Variants in MCAM observed in about 807,000 individuals in gnomAD.
MCAM encodes the protein melanoma cell adhesion molecule.
In MCAM, 55 loss-of-function variants were observed where a neutral mutation model predicts 79.1. The ratio of observed to expected loss-of-function variants is 0.70; its 90% CI spans 0.56 to 0.87. MCAM has a LOEUF of 0.87. MCAM is among the 40% of genes least tolerant of loss of function. The probability of loss-of-function intolerance (pLI) is 0.00; values close to 1 mark genes in which losing one functional copy is unlikely to be tolerated. For synonymous variants in MCAM, 330 were observed against 339.8 expected, an observed-to-expected ratio of 0.97 and a Z score of 0.32; for missense variants, 745 against 839.8, an observed-to-expected ratio of 0.89 and a Z score of 1.40.
chr11:119,312,378 G>C lies in MCAM; in HGVS notation c.912C>G (p.Val304=). The change falls in exon 8 of 16, where the codon GTC becomes GTG. Residue 304 remains valine, a synonymous_variant. Transcript: ENST00000264036. The surrounding 1 kb of genome is among the most constrained non-coding windows in gnomAD (Gnocchi z 4.9). ...CCTTCCGGGCAGGCTCCAGCACCAG[G>C]ACCCCGTTGTCGTTGGTTGTCTCTT... is the stretch of plus-strand genomic sequence containing the variant. ...AEEETTNDNG[V]LVLEPARKEH... is the part of the protein sequence containing the mutation. 2 of 1,614,072 alleles carry C rather than the reference G, an allele frequency of 1.2e-6. No homozygotes were observed. Among genetic ancestry groups the C allele is most frequent in the Non-Finnish European group, 1.7e-6 (2 of 1,179,994 alleles).
At chr11:119,310,273 A>C in intron 15 of MCAM, 76 bp downstream of exon 15, 1 of 960,204 alleles carries the variant, frequency 1.0e-6, no homozygotes, top group Non-Finnish European at 1.7e-6. Context: ...GATGAAGGAT[A>C]GAGAGAACCG....
In MCAM at chr11:119,311,536, G is replaced by A. The variant is rs573403266; in HGVS notation, c.1401C>T (p.Asn467=). The A allele has an allele frequency of 2.0e-5, 32 of 1,614,118 alleles. No homozygotes were observed. Among genetic ancestry groups the A allele is most frequent in the Admixed American group, 1.3e-4 (8 of 60,024 alleles). ...AGATGAGACACCCGCTCACCGTGCC[G>A]TTGACGTTCCAGGAGATGGTGGGCC... ...HPRPTISWNV[N]GTASEQDQDP... Residue 467 remains asparagine, a synonymous_variant, in exon 11 of 16, where the codon AAC becomes AAT. Transcript: ENST00000264036. This position sits in a 1 kb window ranked among gnomAD's most constrained non-coding sequence, Gnocchi z 4.4.
At chr11:119,314,075 A>C in intron 5 of MCAM, 1 of 965,094 alleles carries the variant, frequency 1.0e-6, no homozygotes, top group Non-Finnish European at 1.2e-6. Context: ...TTCTCATGAA[A>C]ATATTTTCAA....
intron 14 of MCAM, 102 bp downstream of exon 14, chr11:119,310,654 C>A: frequency 7.4e-7 from 1 of 1,350,164 alleles, no homozygotes; most frequent in Non-Finnish European, 1.0e-6. Context: ...AGCACCCTGA[C>A]CCAGGGCCCC....
Position 119,314,837 on chromosome 11 carries a change from G to A in MCAM, c.396C>T (p.Val132=). Residue 132 remains valine (V), a synonymous_variant, in exon 3 of 16, where the codon GTC becomes GTT. Coordinates refer to ENST00000264036, the MANE Select transcript of MCAM (RefSeq NM_006500.3). ...GGCAGACACAGGGTCACGCACTGTA[G>A]ACGCGGAGCTGGATGCGGTACTCCT... ...RSQEYRIQLR[V]YKAPEEPNIQ... 6.2e-7 allele frequency: 1 copy of A among 1,613,748 alleles called. No individual in the cohort carries two copies. The highest frequency in any genetic ancestry group is 8.5e-7 in the Non-Finnish European group (1 of 1,180,008).
Position 119,315,156 on chromosome 11 carries a change from G to T in MCAM, c.175C>A (p.His59Asn), listed in dbSNP as rs1416914070. 1 of 1,613,542 alleles carries T rather than the reference G, an allele frequency of 6.2e-7. No homozygotes were observed. Among genetic ancestry groups the T allele is most frequent in the Non-Finnish European group, 8.5e-7 (1 of 1,179,992 alleles). Residue 59 changes from histidine to asparagine, a missense_variant, in exon 2 of 16, where the codon CAT becomes AAT. Coordinates refer to ENST00000264036, the MANE Select transcript of MCAM (RefSeq NM_006500.3). This position sits in a 1 kb window ranked among gnomAD's most constrained non-coding sequence, Gnocchi z 4.4. ...GLSQSQGNLSHVDWFSVHKEK... is the reference protein window; with the variant it reads ...GLSQSQGNLSNVDWFSVHKEK... Reference sequence around the variant, plus strand: ...GCACTCACAGAAAACCAGTCGACATGGCTGAGGTTGCCTTGGGACTGGGAG... The same window carrying T: ...GCACTCACAGAAAACCAGTCGACATTGCTGAGGTTGCCTTGGGACTGGGAG...
In MCAM at chr11:119,315,425, G is replaced by A. The variant is rs559635235; in HGVS notation, c.68-162C>T. On this transcript the variant is annotated intron_variant, in intron 1 of 15. Transcript: ENST00000264036. The surrounding 1 kb of genome is among the most constrained non-coding windows in gnomAD (Gnocchi z 4.4). ...CCCCACCCCGACCCGCGCCCCACCT[G>A]GGCCAGCCCTCTCCCCGTCCAGGAG... The A allele has an allele frequency of 1.2e-4, 102 of 843,248 alleles. No individual in the cohort carries two copies. The African/African-American group carries it at 1.6e-3, about 14-fold the overall frequency. The allele number at this position is 843,248 out of a possible 1,614,324, so 52.2% of individuals were successfully genotyped here. A position where few individuals can be genotyped will look rare whatever the true frequency, so the allele number is the denominator to read the frequency against.
Position 119,309,823 on chromosome 11 carries a change from G to C in MCAM, c.*63C>G, listed in dbSNP as rs1950200492. On this transcript the variant is annotated 3_prime_UTR_variant, in exon 16 of 16. Coordinates refer to ENST00000264036, the MANE Select transcript of MCAM (RefSeq NM_006500.3). ...TAGTCCCTTTGGAGGCTTTGGCTGA[G>C]AGAAGAGTGAGCAGGGAGCTGGGAA... 1.3e-6 allele frequency: 2 copies of C among 1,508,340 alleles called. No individual in the cohort carries two copies. The highest frequency in any genetic ancestry group is 3.8e-5 in the Admixed American group (2 of 53,218). 93.4% of individuals were successfully genotyped at this position (1,508,340 alleles called of 1,614,324 possible). A position where few individuals can be genotyped will look rare whatever the true frequency, so the allele number is the denominator to read the frequency against.
Position 119,310,418 on chromosome 11 carries a change from TG to T in MCAM, c.1841del (p.Ser614Ter). The T allele has an allele frequency of 6.2e-7, 1 of 1,614,148 alleles. No homozygotes were observed. Among genetic ancestry groups the T allele is most frequent in the Non-Finnish European group, 8.5e-7 (1 of 1,180,006 alleles). On this transcript the variant is annotated frameshift_variant, in exon 15 of 16. Coordinates refer to ENST00000264036, the MANE Select transcript of MCAM (RefSeq NM_006500.3). LOFTEE classifies it high-confidence loss of function. The part of the protein sequence containing the change: ...RKSELVVEVK[S>X]DKLPEEMGLL... ...GGCCCATCTCTTCTGGGAGCTTATC[TG>T]ACTTAACTTCAACTACAAGTTCGCT...
At position 119,310,441 on chromosome 11, in the gene MCAM, C is replaced by T. The variant is rs201149343; in HGVS notation, c.1819G>A (p.Glu607Lys). 5.3e-5 allele frequency: 86 copies of T among 1,613,582 alleles called. No individual in the cohort carries two copies. Among genetic ancestry groups the T allele is most frequent in the South Asian group, 1.2e-4 (11 of 91,066 alleles). Residue 607 changes from glutamate (E) to lysine (K), a missense_variant, in exon 15 of 16, where the codon GAA (glutamate) becomes AAA (lysine). Physicochemically the swap from Glu to Lys is moderately conservative, Grantham distance 56 (BLOSUM62 1). Coordinates refer to ENST00000264036, the MANE Select transcript of MCAM (RefSeq NM_006500.3). ...TCTGACTTAACTTCAACTACAAGTTCGCTCTTACGAGACGGGGGTAGCGTG... is the reference window on the plus strand; with the variant it reads ...TCTGACTTAACTTCAACTACAAGTTTGCTCTTACGAGACGGGGGTAGCGTG... Reference protein sequence around the residue: ...EITLPPSRKSELVVEVKSDKL... With the variant: ...EITLPPSRKSKLVVEVKSDKL...
chr11:119,314,649 G>GATGCCCAGCCCAC (rs1950282239), intron 4 of MCAM, 30 bp downstream of exon 4: 2 of 1,612,914 alleles, frequency 1.2e-6, no homozygotes, highest in African/African-American at 2.7e-5. Context: ...CTGCGCACCA[G>GATGCCCAGCCCAC]CTGCCCAGCC....
chr11:119,311,595 A>G lies in MCAM; in HGVS notation c.1342T>C (p.Leu448=), dbSNP rs1950235008. The G allele has an allele frequency of 6.2e-7, 1 of 1,614,002 alleles. No individual in the cohort carries two copies. Among genetic ancestry groups the G allele is most frequent in the African/African-American group, 1.3e-5 (1 of 74,910 alleles). Residue 448 remains leucine, a synonymous_variant, in exon 11 of 16, where the codon TTG becomes CTG. Transcript: ENST00000264036. This position sits in a 1 kb window ranked among gnomAD's most constrained non-coding sequence, Gnocchi z 4.4. ...CCTGACGCTTCACAAGACAGATTCA[A>G]CACCATATTCTCTTTCACCCACACC... is the stretch of plus-strand genomic sequence containing the variant. ...RKVWVKENMV[L]NLSCEASGHP...
rs764800632 is a variant in MCAM, at chr11:119,311,485, G to A, written c.1407+45C>T. On this transcript the variant is annotated intron_variant, in intron 11 of 15. Transcript: ENST00000264036. This position sits in a 1 kb window ranked among gnomAD's most constrained non-coding sequence, Gnocchi z 4.4. ...GGATCTCTGGTCCTGGCCACAAAGCGCAGGCAGGGATTAGGAGAGTGTGGC... is the reference window on the plus strand; with the variant it reads ...GGATCTCTGGTCCTGGCCACAAAGCACAGGCAGGGATTAGGAGAGTGTGGC... 9.3e-6 allele frequency: 15 copies of A among 1,613,784 alleles called. No individual in the cohort carries two copies. Among genetic ancestry groups the A allele is most frequent in the East Asian group, 2.2e-5 (1 of 44,848 alleles).
rs768567713 is a variant in MCAM at position 119,314,498 on chromosome 11, C to T, written c.550G>A (p.Glu184Lys). 3.7e-6 allele frequency: 6 copies of T among 1,613,768 alleles called. No individual in the cohort carries two copies. The highest frequency in any genetic ancestry group is 3.3e-4 in the Middle Eastern group (2 of 6,062). The change falls in exon 5 of 16, where the codon GAG (glutamate) becomes AAG (lysine). Residue 184 changes from glutamate to lysine, a missense_variant. Glu to Lys is a moderately conservative substitution (Grantham distance 56, BLOSUM62 1). Transcript: ENST00000264036. Reference sequence around the variant, plus strand: ...AGAAAGGGCTACTCACGGTTCTTCTCCTCCTTCAGAGGCCGGCCATTCTTG... The same window carrying T: ...AGAAAGGGCTACTCACGGTTCTTCTTCTCCTTCAGAGGCCGGCCATTCTTG... ...WYKNGRPLKEEKNRVHIQSSQ... is the reference protein window; with the variant it reads ...WYKNGRPLKEKKNRVHIQSSQ...
rs1307987938 is a variant in MCAM at position 119,308,833 on chromosome 11, T to C, written c.*1053A>G. ...CCCATGAAGGACAGTGTAGACCTCATCTTTGTCTGCTCCCCGCTGCCTTTC... is the reference window on the plus strand; with the variant it reads ...CCCATGAAGGACAGTGTAGACCTCACCTTTGTCTGCTCCCCGCTGCCTTTC... On this transcript the variant is annotated 3_prime_UTR_variant, in exon 16 of 16. Transcript: ENST00000264036. 1 of 150,536 alleles carries C rather than the reference T, an allele frequency of 6.6e-6. No homozygotes were observed. The highest frequency in any genetic ancestry group is 2.4e-5 in the African/African-American group (1 of 41,090). 9.3% of individuals were successfully genotyped at this position (150,536 alleles called of 1,614,324 possible). A position where few individuals can be genotyped will look rare whatever the true frequency, so the allele number is the denominator to read the frequency against.
In MCAM at chr11:119,310,654, C is replaced by G. The variant is rs1950217952; in HGVS notation, c.1793+102G>C. 3 of 1,350,050 alleles carry G rather than the reference C, an allele frequency of 2.2e-6. No homozygotes were observed. In the African/African-American group the frequency reaches 4.3e-5, roughly 19 times the overall value. The allele number at this position is 1,350,050 out of a possible 1,614,324, so 83.6% of individuals were successfully genotyped here. A position where few individuals can be genotyped will look rare whatever the true frequency, so the allele number is the denominator to read the frequency against. On this transcript the variant is annotated intron_variant, in intron 14 of 15. Transcript: ENST00000264036. ...GGTAGTGGAGCAGGCAGCACCCTGA[C>G]CCAGGGCCCCACTCCTGCTGTCAAG...
rs534375016 is a variant in MCAM at position 119,310,092 on chromosome 11, A to G, written c.1912-177T>C. The G allele has an allele frequency of 1.1e-4, 71 of 651,966 alleles. 2 individuals are homozygous for G. In the South Asian group the frequency reaches 1.3e-3, roughly 12 times the overall value. 40.4% of individuals were successfully genotyped at this position (651,966 alleles called of 1,614,324 possible). ...AGGAGGGCGGCCCCCGTCTGACTGC[A>G]CTGGTGAAATGGCCACACCCAGAGC... is the stretch of plus-strand genomic sequence containing the variant. On this transcript the variant is annotated intron_variant, in intron 15 of 15. Transcript: ENST00000264036.
At position 119,311,641 on chromosome 11, in the gene MCAM, C is replaced by G. The variant is rs1950235685; in HGVS notation, c.1296G>C (p.Trp432Cys). 6.2e-7 allele frequency: 1 copy of G among 1,613,984 alleles called. No homozygotes were observed. The highest frequency in any genetic ancestry group is 1.3e-5 in the African/African-American group (1 of 74,906). Residue 432 changes from tryptophan (W) to cysteine (C), a missense_variant, in exon 11 of 16, where the codon TGG becomes TGC. By Grantham distance (215) the Trp-to-Cys change is radical. Transcript: ENST00000264036. This position sits in a 1 kb window ranked among gnomAD's most constrained non-coding sequence, Gnocchi z 4.4. ...ACACCTTCCTCTCCTTGAATGCCATCCAAGGGGGGCCTTGGGGAGGTAGGG... is the reference window on the plus strand; with the variant it reads ...ACACCTTCCTCTCCTTGAATGCCATGCAAGGGGGGCCTTGGGGAGGTAGGG... ...LVNVAIFGPP[W>C]MAFKERKVWV...
In MCAM at chr11:119,310,862, CGAT is replaced by C. The variant is rs1405792436; in HGVS notation, c.1684_1686del (p.Ile562del). Reference sequence around the variant, plus strand: ...ACCAGGATGCACACAATCACAGCCACGATGACCACGCCCCGGCTCTCCGGCTCC... The same window carrying C: ...ACCAGGATGCACACAATCACAGCCACGACCACGCCCCGGCTCTCCGGCTCC... On this transcript the variant is annotated inframe_deletion, in exon 14 of 16. Transcript: ENST00000264036. 1.2e-6 allele frequency: 2 copies of C among 1,614,094 alleles called. No individual in the cohort carries two copies. Among genetic ancestry groups the C allele is most frequent in the Non-Finnish European group, 1.7e-6 (2 of 1,180,048 alleles).
Sources: gnomAD v4.1 joint callset for allele counts on GRCh38, gnomAD v4.1.1 for gene constraint, Gnocchi (gnomAD v3.1) non-coding constraint, MANE v1.5 for transcripts, NCBI Gene and HGNC (gene_info 2026-07-23, HGNC 2026-07-21) for gene names.